NOVA1: variants seen among roughly 807,000 people sequenced by gnomAD.
The protein encoded by NOVA1 is NOVA alternative splicing regulator 1.
A neutral mutation model predicts 38.0 loss-of-function variants in NOVA1; 7 were observed. That is an observed-to-expected ratio of 0.18 (90% CI 0.10 to 0.35). NOVA1 has a LOEUF of 0.35. Among genes scored for constraint, NOVA1 ranks in the 10% least tolerant of loss-of-function variants. The pLI, the probability that NOVA1 is intolerant of heterozygous loss-of-function variation, is 1.00. For missense variants in NOVA1, 460 were observed against 616.0 expected (o/e 0.75, Z 2.68); for synonymous variants, 270 against 232.5 (o/e 1.16, Z -1.47).
rs548458846 is a variant in NOVA1, at chr14:26,556,951, G to C, written c.280+38459C>G. On this transcript the variant is annotated intron_variant, in intron 2 of 4. Coordinates refer to ENST00000539517, the MANE Select transcript of NOVA1 (RefSeq NM_002515.3). ...GCTTAAGTACTGGAGGTTGTAAGAG[G>C]GAATAAGGTGTTGTCAGGGGTGATT... 5.3e-5 allele frequency among the ~76,000 whole-genome samples: 8 copies of C among 152,242 alleles called. No individual in the cohort carries two copies. In the East Asian group the frequency reaches 1.2e-3, roughly 22 times the overall value.
At chr14:26,568,758 A>G (rs1892289762) in intron 2 of NOVA1, among the ~76,000 whole-genome samples, 1 of 152,166 alleles carries the variant, frequency 6.6e-6, no homozygotes, top group South Asian at 2.1e-4. Flanking sequence ...TTCCTGTTCC[A>G]GGTGGGCAGC....
At chr14:26,478,662 A>T (rs1355426995) in intron 3 of NOVA1, among the ~76,000 whole-genome samples, 1 of 151,948 alleles carries the variant, frequency 6.6e-6, no homozygotes, top group Non-Finnish European at 1.5e-5. Flanking sequence ...AAACACAACT[A>T]TAAATGACTG....
At chr14:26,588,213 T>G (rs1334206992) in intron 2 of NOVA1, among the ~76,000 whole-genome samples, 1 of 150,888 alleles carries the variant, frequency 6.6e-6, no homozygotes, top group Non-Finnish European at 1.5e-5. Context: ...CCATCTAAAA[T>G]TTTTAAATTA....
chr14:26,596,326 T>A (rs1894188092), intron 1 of NOVA1, among the ~76,000 whole-genome samples: 1 of 152,218 alleles, frequency 6.6e-6, no homozygotes, highest in Non-Finnish European at 1.5e-5. Context: ...GTAATGTTCC[T>A]TTCCCAAAAT....
At chr14:26,587,318 A>C (rs117276003) in intron 2 of NOVA1, among the ~76,000 whole-genome samples, 5,330 of 150,216 alleles carry the variant, frequency 0.035, 133 homozygotes, top group Middle Eastern at 0.048. Flanking sequence ...TAAAAAAAAA[A>C]AAAAACAAAA....
At chr14:26,499,254 T>C (rs553089157) in intron 2 of NOVA1, among the ~76,000 whole-genome samples, 5 of 152,334 alleles carry the variant, frequency 3.3e-5, no homozygotes, top group South Asian at 4.1e-4. Context: ...TTTCACTGTT[T>C]AAAAACCTTT....
At position 26,455,109 on chromosome 14, in the gene NOVA1, T is replaced by C. The variant is rs151122270; in HGVS notation, c.520-6146A>G. ...GCAGTTCTTCCAACTTCCACTAGTT[T>C]GTTTAATCTACTTTTGATAACCAAA... On this transcript the variant is annotated intron_variant, in intron 4 of 4. Coordinates refer to ENST00000539517, the MANE Select transcript of NOVA1 (RefSeq NM_002515.3). 7.2e-5 allele frequency among the ~76,000 whole-genome samples: 11 copies of C among 152,298 alleles called. No individual in the cohort carries two copies. In the East Asian group the frequency reaches 2.1e-3, roughly 29 times the overall value.
chr14:26,454,098 C>T (rs1010660707), intron 4 of NOVA1, among the ~76,000 whole-genome samples: 15 of 151,962 alleles, frequency 9.9e-5, no homozygotes, highest in Non-Finnish European at 2.1e-4. Flanking sequence ...CTGGGCCACA[C>T]TGGAAGAATT....
intron 3 of NOVA1, chr14:26,479,413 C>G (rs1885249786): frequency 6.6e-6 from 1 of 151,920 alleles, no homozygotes; most frequent in Non-Finnish European, 1.5e-5. Flanking sequence ...AACATTGGCC[C>G]TTTATGACAT....
intron 2 of NOVA1, among the ~76,000 whole-genome samples, chr14:26,566,800 G>A (rs1484481251): frequency 6.6e-6 from 1 of 152,020 alleles, no homozygotes. Context: ...ATCATTATAA[G>A]GAAAACATAT....
rs542663550 is a variant in NOVA1 at position 26,473,042 on chromosome 14, C to A, written c.448-651G>T. Among the ~76,000 whole-genome samples, 3 of 151,798 alleles carry A rather than the reference C, an allele frequency of 2.0e-5. No homozygotes were observed. In the East Asian group the frequency reaches 5.8e-4, roughly 29 times the overall value. ...ATATTAATAAACAGGTAACTAATAG[C>A]ATTCTAACAAATCATCATAATATTT... On this transcript the variant is annotated intron_variant, in intron 3 of 4. Coordinates refer to ENST00000539517, the MANE Select transcript of NOVA1 (RefSeq NM_002515.3).
intron 4 of NOVA1, among the ~76,000 whole-genome samples, chr14:26,460,492 T>C (rs957024784): frequency 6.6e-6 from 1 of 151,990 alleles, no homozygotes; most frequent in Non-Finnish European, 1.5e-5. Context: ...TGAAGCCAGG[T>C]AATAAAAAGG....
chr14:26,498,985 C>CA (rs1019805329), intron 2 of NOVA1, among the ~76,000 whole-genome samples: 2 of 151,658 alleles, frequency 1.3e-5, no homozygotes, highest in Non-Finnish European at 2.9e-5. Flanking sequence ...TAGAATCTAC[C>CA]AAAAAAAGAA....
At chr14:26,596,770 G>C (rs564151565) in intron 1 of NOVA1, 105 of 1,245,416 alleles carry the variant, frequency 8.4e-5, no homozygotes, top group Admixed American at 2.7e-4. Flanking sequence ...TCTAAGTGCG[G>C]TAAGGGCATG....
chr14:26,530,824 C>T (rs1445553405), intron 2 of NOVA1, among the ~76,000 whole-genome samples: 1 of 151,978 alleles, frequency 6.6e-6, no homozygotes, highest in East Asian at 1.9e-4. Context: ...GAAACCAAAC[C>T]TATTTCATCT....
At chr14:26,545,269 G>A (rs1440078905) in intron 2 of NOVA1, among the ~76,000 whole-genome samples, 1 of 152,024 alleles carries the variant, frequency 6.6e-6, no homozygotes, top group Non-Finnish European at 1.5e-5. Flanking sequence ...ATATATAAGT[G>A]AGGAAGAAGG....
chr14:26,503,473 C>T (rs1887391393), intron 2 of NOVA1, among the ~76,000 whole-genome samples: 1 of 152,004 alleles, frequency 6.6e-6, no homozygotes, highest in Non-Finnish European at 1.5e-5. Flanking sequence ...CACCATATAG[C>T]TCTGATTGGC....
At chr14:26,520,304 T>A (rs1233747794) in intron 2 of NOVA1, among the ~76,000 whole-genome samples, 2 of 152,170 alleles carry the variant, frequency 1.3e-5, no homozygotes, top group Non-Finnish European at 2.9e-5. Context: ...TATTCCTACA[T>A]GCAGGCTCCC....
chr14:26,550,818 A>G (rs1469863212), intron 2 of NOVA1, among the ~76,000 whole-genome samples: 1 of 152,132 alleles, frequency 6.6e-6, no homozygotes, highest in Non-Finnish European at 1.5e-5. Context: ...AACTTTTCTG[A>G]ATCTCACTTC....
Sources: gnomAD v4.1 joint callset for allele counts (sites outside exome capture counted in the v4.1 genomes callset) on GRCh38, gnomAD v4.1.1 for gene constraint, MANE v1.5 for transcripts, NCBI Gene and HGNC (gene_info 2026-07-23, HGNC 2026-07-21) for gene names.